Variants in ATP11A observed in about 807,000 individuals in gnomAD.
The protein encoded by ATP11A is phospholipid-transporting ATPase IH.
ATP11A carries 81 observed loss-of-function variants against 154.4 expected under a neutral mutation model. The observed-to-expected ratio is 0.52, with a 90% confidence interval of 0.44 to 0.63. The LOEUF is 0.63. ATP11A is among the 30% of genes least tolerant of loss of function. The pLI, the probability that ATP11A is intolerant of heterozygous loss-of-function variation, is 0.00. For missense variants in ATP11A, 1,316 were observed against 1,474.3 expected, an observed-to-expected ratio of 0.89 and a Z score of 1.76; for synonymous variants, 623 against 585.9, an observed-to-expected ratio of 1.06 and a Z score of -0.91.
chr13:112,729,537 C>T (rs1890267287), intron 1 of ATP11A, among the ~76,000 whole-genome samples: 2 of 152,110 alleles, frequency 1.3e-5, no homozygotes, highest in Non-Finnish European at 2.9e-5. Flanking sequence ...CCCACCTTGG[C>T]ATTGCAGGCC....
chr13:112,814,481 T>C (rs1342831483), intron 5 of ATP11A, among the ~76,000 whole-genome samples: 2 of 152,200 alleles, frequency 1.3e-5, no homozygotes, highest in African/African-American at 4.8e-5. Context: ...TATAGTTTCA[T>C]GTTTTACATT....
At chr13:112,720,458 C>T (rs918727072) in intron 1 of ATP11A, among the ~76,000 whole-genome samples, 1 of 152,266 alleles carries the variant, frequency 6.6e-6, no homozygotes, top group African/African-American at 2.4e-5. Context: ...TCACCTTCGT[C>T]TGCTGTGGCC....
intron 1 of ATP11A, among the ~76,000 whole-genome samples, chr13:112,757,397 G>A (rs1356022078): frequency 6.6e-6 from 1 of 152,268 alleles, no homozygotes; most frequent in African/African-American, 2.4e-5. Flanking sequence ...GAGTCTCTTA[G>A]TGTCATCACG....
chr13:112,868,752 C>G (rs1933201), intron 25 of ATP11A, among the ~76,000 whole-genome samples: 11 of 151,924 alleles, frequency 7.2e-5, no homozygotes, highest in African/African-American at 2.7e-4. Context: ...TCACATGGCT[C>G]TGAAGAGCTA....
chr13:112,855,030 A>G (rs1423942135), intron 19 of ATP11A, among the ~76,000 whole-genome samples: 2 of 152,226 alleles, frequency 1.3e-5, no homozygotes, highest in South Asian at 2.1e-4. Context: ...TGTTAGATGC[A>G]TTATCTGAGA....
At chr13:112,768,872 A>G (rs1278023039) in intron 1 of ATP11A, among the ~76,000 whole-genome samples, 1 of 152,176 alleles carries the variant, frequency 6.6e-6, no homozygotes, top group Admixed American at 6.5e-5. Context: ...CCCGGTCCTC[A>G]GGGCGGAGTT....
At chr13:112,706,998 A>AT (rs1887210897) in intron 1 of ATP11A, among the ~76,000 whole-genome samples, 2 of 152,306 alleles carry the variant, frequency 1.3e-5, no homozygotes, top group South Asian at 4.1e-4. Context: ...AATTCGAGCG[A>AT]TTTTCTTATT....
intron 17 of ATP11A, among the ~76,000 whole-genome samples, chr13:112,846,391 C>G (rs1018109409): frequency 1.1e-4 from 16 of 152,096 alleles, no homozygotes; most frequent in South Asian, 4.2e-4. Context: ...TCCCGTGCAG[C>G]GTCTAACCTG....
At chr13:112,724,092 T>A (rs1889525640) in intron 1 of ATP11A, among the ~76,000 whole-genome samples, 1 of 121,158 alleles carries the variant, frequency 8.3e-6, no homozygotes, top group South Asian at 2.8e-4. Context: ...GACCAGCCCC[T>A]ATCGTCCCCA....
At chr13:112,730,072 G>A (rs1213602891) in intron 1 of ATP11A, among the ~76,000 whole-genome samples, 1 of 152,200 alleles carries the variant, frequency 6.6e-6, no homozygotes, top group Non-Finnish European at 1.5e-5. Context: ...TCATGATGGT[G>A]GAGGACGAGT....
chr13:112,875,540 G>A lies in ATP11A; in HGVS notation c.3162-236G>A, dbSNP rs527417790. Among the ~76,000 whole-genome samples the A allele has an allele frequency of 1.4e-5, 2 of 147,192 alleles. No homozygotes were observed. The highest frequency in any genetic ancestry group is 3.0e-5 in the Non-Finnish European group (2 of 66,952). On this transcript the variant is annotated intron_variant, in intron 27 of 29. Coordinates refer to ENST00000375645, the MANE Select transcript of ATP11A (RefSeq NM_015205.3). This position sits in a 1 kb window ranked among gnomAD's most constrained non-coding sequence, Gnocchi z 4.1. ...GAAACTGAACTTCAGAGACTTCTAT[G>A]TCCCATTTGAGATGACTTCATAGAA...
intron 1 of ATP11A, among the ~76,000 whole-genome samples, chr13:112,709,953 C>T (rs561680507): frequency 3.3e-5 from 5 of 152,398 alleles, no homozygotes; most frequent in African/African-American, 4.8e-5. Flanking sequence ...TGCTGACCAG[C>T]CCCTGTTGGA....
chr13:112,837,891 G>T (rs1480363630), intron 16 of ATP11A, among the ~76,000 whole-genome samples: 1 of 152,010 alleles, frequency 6.6e-6, no homozygotes, highest in African/African-American at 2.4e-5. Flanking sequence ...CGGCTCTGGG[G>T]TGGGCAGCAG....
At chr13:112,801,719 A>C (rs1431004969) in intron 2 of ATP11A, among the ~76,000 whole-genome samples, 1 of 152,246 alleles carries the variant, frequency 6.6e-6, no homozygotes, top group Non-Finnish European at 1.5e-5. Flanking sequence ...ACAGGTATAA[A>C]TCTAACAAGA....
At position 112,708,439 on chromosome 13, in the gene ATP11A, A is replaced by G. The variant is rs1395837630; in HGVS notation, c.39+17984A>G. On this transcript the variant is annotated intron_variant, in intron 1 of 29. Coordinates refer to ENST00000375645, the MANE Select transcript of ATP11A (RefSeq NM_015205.3). ...CTTAATTGTAAAATGGAGTAATTATATATTTTACATCGTTAGACTCATTTA... is the reference window on the plus strand; with the variant it reads ...CTTAATTGTAAAATGGAGTAATTATGTATTTTACATCGTTAGACTCATTTA... Among the ~76,000 whole-genome samples, 3 of 152,352 alleles carry G rather than the reference A, an allele frequency of 2.0e-5. 1 individual carries two copies. The highest frequency in any genetic ancestry group is 3.9e-4 in the East Asian group (2 of 5,192).
rs915316429 is a variant in ATP11A at position 112,884,067 on chromosome 13, C to G, written c.*2201C>G. 2.0e-5 allele frequency: 3 copies of G among 152,206 alleles called. No homozygotes were observed. The highest frequency in any genetic ancestry group is 2.9e-5 in the Non-Finnish European group (2 of 67,994). 9.4% of individuals were successfully genotyped at this position (152,206 alleles called of 1,614,324 possible). A position where few individuals can be genotyped will look rare whatever the true frequency, so the allele number is the denominator to read the frequency against. On this transcript the variant is annotated 3_prime_UTR_variant, in exon 30 of 30. Coordinates refer to ENST00000375645, the MANE Select transcript of ATP11A (RefSeq NM_015205.3). ...CATTTTTAAGTTTATGAAATTTTGG[C>G]CACTTTACATTTAGATTCTGGTGAG... is the stretch of plus-strand genomic sequence containing the variant.
chr13:112,828,929 A>G (rs9577848), intron 12 of ATP11A, among the ~76,000 whole-genome samples: 51,552 of 152,132 alleles, frequency 0.34, 9,338 homozygotes, highest in African/African-American at 0.46. Flanking sequence ...CCACCAGTCA[A>G]GCGTCTGTGT....
At chr13:112,760,672 T>C (rs2076942499) in intron 1 of ATP11A, among the ~76,000 whole-genome samples, 1 of 152,304 alleles carries the variant, frequency 6.6e-6, no homozygotes, top group Non-Finnish European at 1.5e-5. Flanking sequence ...ATGCACCAGG[T>C]CATGTTTGCG....
intron 18 of ATP11A, among the ~76,000 whole-genome samples, chr13:112,852,109 C>T (rs1031228639): frequency 6.6e-6 from 1 of 152,128 alleles, no homozygotes; most frequent in East Asian, 1.9e-4. Context: ...AAGAAACAGT[C>T]GTCTGGTCCA....
Sources: allele counts gnomAD v4.1 joint callset (sites outside exome capture counted in the v4.1 genomes callset), GRCh38; gene constraint gnomAD v4.1.1; non-coding constraint Gnocchi (gnomAD v3.1); transcripts MANE v1.5; gene names NCBI Gene and HGNC (gene_info 2026-07-23, HGNC 2026-07-21).